The following DTL variants were observed in gnomAD, a reference collection of about 807,000 sequenced individuals.
The protein encoded by DTL is denticleless E3 ubiquitin protein ligase adapter, also known as denticleless protein homolog.
Under a neutral mutation model 87.0 loss-of-function variants are expected in DTL, and 46 were observed. The observed-to-expected ratio is 0.53, with a 90% CI of 0.42 to 0.68. The LOEUF (loss-of-function observed/expected upper bound fraction) is 0.68, where lower values mean the gene tolerates loss of function less well. Ranked by LOEUF, DTL falls within the 30% of genes least tolerant of loss-of-function variation. DTL has a pLI of 0.00. For missense variants in DTL, 737 were observed against 869.4 expected (o/e 0.85, Z 1.91); for synonymous variants, 308 against 311.2 (o/e 0.99, Z 0.11).
intron 13 of DTL, among the ~76,000 whole-genome samples, chr1:212,088,724 G>A (rs949305054): frequency 6.6e-6 from 1 of 152,218 alleles, no homozygotes; most frequent in Non-Finnish European, 1.5e-5. Context: ...GTCCTGTAAC[G>A]TGATCCTAGA....
intron 8 of DTL, among the ~76,000 whole-genome samples, chr1:212,067,718 T>C (rs1654549586): frequency 6.6e-6 from 1 of 152,184 alleles, no homozygotes; most frequent in Non-Finnish European, 1.5e-5. Context: ...GGTCTGTGTT[T>C]TCAAGTTACC....
At chr1:212,048,349 C>T (rs1196068250) in intron 5 of DTL, among the ~76,000 whole-genome samples, 1 of 152,042 alleles carries the variant, frequency 6.6e-6, no homozygotes, top group Admixed American at 6.6e-5. Context: ...CCTGCCACCA[C>T]GCCCAGCTAA....
In DTL at chr1:212,067,523, AT is replaced by A. The variant is rs1654541677; in HGVS notation, c.713+643del. Among the ~76,000 whole-genome samples, 4 of 152,296 alleles carry A rather than the reference AT, an allele frequency of 2.6e-5. No homozygotes were observed. The South Asian group carries it at 8.3e-4, about 32-fold the overall frequency. ...TCTCTCAAGGCATCCTTCTCTTAAA[AT>A]TTTTAATTTAAAAGATGATGGCTTA... On this transcript the variant is annotated intron_variant, in intron 8 of 14. Coordinates refer to ENST00000366991, the MANE Select transcript of DTL (RefSeq NM_016448.4).
intron 5 of DTL, among the ~76,000 whole-genome samples, chr1:212,050,189 C>T (rs1239567613): frequency 2.0e-5 from 3 of 152,036 alleles, no homozygotes; most frequent in Middle Eastern, 3.2e-3. Context: ...TTAATTAAAT[C>T]AATCGATCTA....
chr1:212,067,803 A>G (rs1016512432), intron 8 of DTL, among the ~76,000 whole-genome samples: 3 of 152,220 alleles, frequency 2.0e-5, no homozygotes, highest in East Asian at 1.9e-4. Context: ...TCACAGAACA[A>G]TTTGTTTAGA....
At chr1:212,044,216 C>T (rs1667741152) in intron 2 of DTL, among the ~76,000 whole-genome samples, 2 of 152,176 alleles carry the variant, frequency 1.3e-5, no homozygotes, top group African/African-American at 4.8e-5. Context: ...TTGCCATTGG[C>T]CAGTACCACT....
At chr1:212,047,705 T>G (rs1367177151) in intron 5 of DTL, among the ~76,000 whole-genome samples, 1 of 152,106 alleles carries the variant, frequency 6.6e-6, no homozygotes, top group Non-Finnish European at 1.5e-5. Context: ...CCAGCTAATT[T>G]TTGTATTTTT....
At chr1:212,065,611 G>C (rs1006563310) in intron 7 of DTL, among the ~76,000 whole-genome samples, 1 of 152,114 alleles carries the variant, frequency 6.6e-6, no homozygotes, top group Non-Finnish European at 1.5e-5. Flanking sequence ...TAGGAAAAGT[G>C]GGGGAGGAGT....
chr1:212,036,312 C>T (rs145673617), intron 1 of DTL, among the ~76,000 whole-genome samples: 1 of 152,250 alleles, frequency 6.6e-6, no homozygotes, highest in African/African-American at 2.4e-5. Flanking sequence ...TTAATTCATT[C>T]GTTTGTTGTA....
chr1:212,051,745 T>C, intron 5 of DTL: 6 of 1,063,690 alleles, frequency 5.6e-6, no homozygotes, highest in South Asian at 2.6e-5. Context: ...ACATTAATTC[T>C]CTTGGCAAGA....
rs544363255 is a variant in DTL at position 212,051,955 on chromosome 1, G to A, written c.460+4538G>A. The A allele has an allele frequency of 5.4e-5, 50 of 930,890 alleles. No homozygotes were observed. The African/African-American group carries it at 7.4e-4, about 14-fold the overall frequency. The allele number at this position is 930,890 out of a possible 1,614,324, so 57.7% of individuals were successfully genotyped here. On this transcript the variant is annotated intron_variant, in intron 5 of 14. Coordinates refer to ENST00000366991, the MANE Select transcript of DTL (RefSeq NM_016448.4). ...GGAACAACTCCATGTTTTCTAAAAG[G>A]CCTAGAGAACATATATCGGGTGCCT... is the stretch of plus-strand genomic sequence containing the variant.
chr1:212,101,999 A>G (rs770215809), intron 14 of DTL, among the ~76,000 whole-genome samples: 1 of 152,208 alleles, frequency 6.6e-6, no homozygotes, highest in Non-Finnish European at 1.5e-5. Flanking sequence ...GATGATTGAA[A>G]TAGAATCCAG....
intron 7 of DTL, 37 bp downstream of exon 7, chr1:212,065,066 T>C: frequency 7.1e-7 from 1 of 1,412,018 alleles, no homozygotes; most frequent in Non-Finnish European, 1.0e-6. Flanking sequence ...GTGCAGATCT[T>C]ATCTGTAGGA....
intron 11 of DTL, among the ~76,000 whole-genome samples, chr1:212,073,031 C>T (rs1392213086): frequency 1.3e-5 from 2 of 152,096 alleles, no homozygotes; most frequent in African/African-American, 2.4e-5. Flanking sequence ...TCCCAAAGTG[C>T]TGGGATTACA....
intron 1 of DTL, among the ~76,000 whole-genome samples, chr1:212,039,054 A>G (rs1309370043): frequency 6.6e-6 from 1 of 152,112 alleles, no homozygotes; most frequent in Non-Finnish European, 1.5e-5. Flanking sequence ...AATGTAATTT[A>G]ATTTTATGCT....
chr1:212,048,452 AAGTGCTGGG>A (rs1667869460), intron 5 of DTL, among the ~76,000 whole-genome samples: 1 of 152,128 alleles, frequency 6.6e-6, no homozygotes, highest in South Asian at 2.1e-4. Context: ...CGGCCTCCTA[AAGTGCTGGG>A]ATTACAGGCA....
At chr1:212,081,804 T>C (rs975873280) in intron 13 of DTL, among the ~76,000 whole-genome samples, 2 of 152,206 alleles carry the variant, frequency 1.3e-5, no homozygotes, top group Non-Finnish European at 2.9e-5. Flanking sequence ...TTAACCTAGA[T>C]AAATATCCCT....
intron 13 of DTL, among the ~76,000 whole-genome samples, chr1:212,093,138 G>A (rs1655335521): frequency 6.6e-6 from 1 of 151,674 alleles, no homozygotes; most frequent in Non-Finnish European, 1.5e-5. Context: ...AAGTTCCCTT[G>A]TCCCCCTTGC....
intron 13 of DTL, among the ~76,000 whole-genome samples, chr1:212,082,474 G>C (rs1037359980): frequency 1.3e-5 from 2 of 152,178 alleles, no homozygotes; most frequent in African/African-American, 4.8e-5. Context: ...TAGAGAGGGG[G>C]AGATTGATGC....
Sources: gnomAD v4.1 joint callset for allele counts (sites outside exome capture counted in the v4.1 genomes callset) on GRCh38, gnomAD v4.1.1 for gene constraint, MANE v1.5 for transcripts, NCBI Gene and HGNC (gene_info 2026-07-23, HGNC 2026-07-21) for gene names.